Variants in GMEB1 observed in about 807,000 individuals in gnomAD.
GMEB1 encodes glucocorticoid modulatory element-binding protein 1.
A neutral mutation model predicts 52.4 loss-of-function variants in GMEB1; 6 were observed. The ratio of observed to expected loss-of-function variants is 0.11; its 90% CI spans 0.06 to 0.23. The LOEUF (loss-of-function observed/expected upper bound fraction) is 0.23. Among genes scored for constraint, GMEB1 ranks in the 10% least tolerant of loss-of-function variants. The probability of loss-of-function intolerance (pLI) is 1.00; values close to 1 mark genes in which losing one functional copy is unlikely to be tolerated. For synonymous variants in GMEB1, 255 were observed against 244.9 expected, an observed-to-expected ratio of 1.04 and a Z score of -0.38; for missense variants, 486 against 685.6, an observed-to-expected ratio of 0.71 and a Z score of 3.25.
Position 28,691,718 on chromosome 1 carries a change from CT to C in GMEB1, c.336+13del, listed in dbSNP as rs1669972397. 6 of 1,457,622 alleles carry C rather than the reference CT, an allele frequency of 4.1e-6. No homozygotes were observed. In the African/African-American group the frequency reaches 5.6e-5, roughly 14 times the overall value. 90.3% of individuals were successfully genotyped at this position (1,457,622 alleles called of 1,614,324 possible). A position where few individuals can be genotyped will look rare whatever the true frequency, so the allele number is the denominator to read the frequency against. ...ACGTGAAGTGTGTCAAGGTAATTGT[CT>C]TTTCCATGCTGAAGCCAAATTTGGG... On this transcript the variant is annotated intron_variant, in intron 4 of 9. Transcript: ENST00000373816.
intron 8 of GMEB1, among the ~76,000 whole-genome samples, chr1:28,705,311 T>C (rs1337453471): frequency 1.3e-5 from 2 of 151,690 alleles, no homozygotes; most frequent in Non-Finnish European, 2.9e-5. Context: ...CGAGAATTGC[T>C]GAACCCAAGA....
rs1157094477 is a variant in GMEB1, at chr1:28,687,381, C to CAAAAAAAAAAAAA, written c.129-2722_129-2721insAAAAAAAAAAAAA. Among the ~76,000 whole-genome samples, 52 of 27,160 alleles carry CAAAAAAAAAAAAA rather than the reference C, an allele frequency of 1.9e-3. 17 individuals are homozygous for CAAAAAAAAAAAAA. The highest frequency in any genetic ancestry group is 0.012 in the East Asian group (6 of 488). The allele number at this position is 27,160 out of a possible 152,430, so 17.8% of individuals were successfully genotyped here. On this transcript the variant is annotated intron_variant, in intron 2 of 9. Coordinates refer to ENST00000373816, the MANE Select transcript of GMEB1 (RefSeq NM_001319674.2). The stretch of plus-strand genomic sequence containing the variant: ...ACACACACACACACACACACACACA[C>CAAAAAAAAAAAAA]ACACACAAAAAAAGACAGTGGAGAA...
At chr1:28,700,958 A>C (rs189327646) in intron 6 of GMEB1, among the ~76,000 whole-genome samples, 168 of 152,158 alleles carry the variant, frequency 1.1e-3, no homozygotes, top group Non-Finnish European at 1.7e-3. Context: ...GATGGAAAAT[A>C]TGGTATTTGC....
chr1:28,701,580 G>GT (rs1042834011), intron 6 of GMEB1, among the ~76,000 whole-genome samples: 4 of 151,188 alleles, frequency 2.6e-5, no homozygotes, highest in African/African-American at 4.9e-5. Flanking sequence ...AAGCTTTCTT[G>GT]TTTTTTGAGA....
At chr1:28,694,190 A>ATT (rs569803893) in intron 5 of GMEB1, among the ~76,000 whole-genome samples, 8 of 136,804 alleles carry the variant, frequency 5.8e-5, no homozygotes, top group Non-Finnish European at 8.0e-5. Context: ...GTGTTGTAGG[A>ATT]TTTTTTTTTT....
At chr1:28,680,241 T>TA (rs921645705) in intron 1 of GMEB1, among the ~76,000 whole-genome samples, 2 of 152,018 alleles carry the variant, frequency 1.3e-5, no homozygotes, top group Admixed American at 6.6e-5. Flanking sequence ...CATATAAAAA[T>TA]AAAAAAGAAA....
At chr1:28,675,624 G>A (rs1669115920) in intron 1 of GMEB1, among the ~76,000 whole-genome samples, 1 of 149,740 alleles carries the variant, frequency 6.7e-6, no homozygotes, top group Admixed American at 6.7e-5. Flanking sequence ...AAGTTGCAGT[G>A]AGCGGAGATC....
At chr1:28,684,822 A>G (rs1348397047) in intron 2 of GMEB1, among the ~76,000 whole-genome samples, 1 of 152,144 alleles carries the variant, frequency 6.6e-6, no homozygotes, top group Non-Finnish European at 1.5e-5. Context: ...TACCCATGTA[A>G]CAAATCTGCA....
intron 2 of GMEB1, among the ~76,000 whole-genome samples, chr1:28,685,283 C>A (rs921933897): frequency 6.6e-6 from 1 of 151,288 alleles, no homozygotes; most frequent in African/African-American, 2.4e-5. Flanking sequence ...GATCTCAGCT[C>A]ACTGCAACCT....
In GMEB1 at chr1:28,704,229, A is replaced by G; in HGVS notation, c.768A>G (p.Val256=). Residue 256 remains valine (V), a synonymous_variant, in exon 8 of 10, where the codon GTA becomes GTG. Transcript: ENST00000373816. ...TLMFWKGIAD[V]GLMEEVVCNI... ...TGTTCTGGAAAGGAATAGCTGATGT[A>G]GGGCTGATGGAAGAGGTTGTCTGCA... is the stretch of plus-strand genomic sequence containing the variant. The G allele has an allele frequency of 6.2e-7, 1 of 1,613,540 alleles. No individual in the cohort carries two copies. The highest frequency in any genetic ancestry group is 8.5e-7 in the Non-Finnish European group (1 of 1,179,698).
intron 8 of GMEB1, among the ~76,000 whole-genome samples, chr1:28,704,855 G>A (rs555902432): frequency 5.3e-5 from 8 of 151,788 alleles, no homozygotes; most frequent in South Asian, 4.2e-4. Flanking sequence ...TGATCCCCCC[G>A]CCTCGGCCTC....
At chr1:28,710,230 C>T (rs1387512439) in intron 8 of GMEB1, among the ~76,000 whole-genome samples, 2 of 152,186 alleles carry the variant, frequency 1.3e-5, no homozygotes, top group Non-Finnish European at 2.9e-5. Context: ...GTCTTGAACT[C>T]CTGGCCTCAA....
intron 1 of GMEB1, among the ~76,000 whole-genome samples, chr1:28,669,106 C>T (rs944083952): frequency 1.6e-3 from 240 of 149,142 alleles, no homozygotes; most frequent in African/African-American, 5.6e-3. Context: ...CCGGCCGCGC[C>T]GCCGGGGCTC....
chr1:28,693,968 T>G (rs1670082778), intron 5 of GMEB1, among the ~76,000 whole-genome samples: 1 of 152,094 alleles, frequency 6.6e-6, no homozygotes, highest in Non-Finnish European at 1.5e-5. Flanking sequence ...TAAAGTCAAT[T>G]ATGGCTTGTG....
intron 6 of GMEB1, among the ~76,000 whole-genome samples, chr1:28,698,314 G>A (rs1670325317): frequency 6.7e-6 from 1 of 150,320 alleles, no homozygotes; most frequent in Non-Finnish European, 1.5e-5. Flanking sequence ...GGAGGCAGAG[G>A]CTGCAGTGAG....
At chr1:28,680,073 G>A (rs1229172113) in intron 1 of GMEB1, among the ~76,000 whole-genome samples, 1 of 152,006 alleles carries the variant, frequency 6.6e-6, no homozygotes, top group Non-Finnish European at 1.5e-5. Flanking sequence ...CTCCCAAAGT[G>A]CAGGGATTAC....
chr1:28,695,664 C>T (rs1018430884), intron 5 of GMEB1, among the ~76,000 whole-genome samples: 8 of 149,936 alleles, frequency 5.3e-5, no homozygotes, highest in African/African-American at 9.9e-5. Context: ...TTCGGCCGGG[C>T]GCGGTGGCTC....
chr1:28,690,547 T>G (rs1268474446), intron 3 of GMEB1, among the ~76,000 whole-genome samples: 1 of 152,154 alleles, frequency 6.6e-6, no homozygotes, highest in Non-Finnish European at 1.5e-5. Context: ...GGAAAGAAAC[T>G]GGAAAGAAAC....
intron 1 of GMEB1, among the ~76,000 whole-genome samples, chr1:28,673,811 T>C (rs2124447718): frequency 6.6e-6 from 1 of 151,878 alleles, no homozygotes; most frequent in Non-Finnish European, 1.5e-5. Context: ...CCCAGGAGTT[T>C]GACACCAGGC....
Sources: allele counts gnomAD v4.1 joint callset (sites outside exome capture counted in the v4.1 genomes callset), GRCh38; gene constraint gnomAD v4.1.1; transcripts MANE v1.5; gene names NCBI Gene and HGNC (gene_info 2026-07-23, HGNC 2026-07-21).